Variants in MIS18BP1 observed in about 807,000 individuals in gnomAD.
MIS18BP1 encodes mis18-binding protein 1.
In MIS18BP1, 72 loss-of-function variants were observed where a neutral mutation model predicts 116.1. The ratio of observed to expected loss-of-function variants is 0.62; its 90% confidence interval spans 0.51 to 0.75. The LOEUF is 0.75. MIS18BP1 is among the 30% of genes least tolerant of loss of function. MIS18BP1 has a pLI of 0.00. For synonymous variants in MIS18BP1, 386 were observed against 427.0 expected (o/e 0.90, Z 1.18); for missense variants, 1,363 against 1,303.2 (o/e 1.05, Z -0.71).
chr14:45,235,429 A>T (rs1891397792), intron 6 of MIS18BP1, among the ~76,000 whole-genome samples: 1 of 150,372 alleles, frequency 6.7e-6, no homozygotes, highest in Admixed American at 6.7e-5. Flanking sequence ...CGTCTCTACT[A>T]AAAATACAAA....
intron 8 of MIS18BP1, 123 bp from the exon 9 acceptor site, chr14:45,227,937 G>GATT: frequency 9.0e-6 from 8 of 891,050 alleles, no homozygotes; most frequent in Non-Finnish European, 1.4e-5. Flanking sequence ...AGCACTCTGG[G>GATT]AGGCCGAGGG....
chr14:45,248,707 G>A (rs940979728), intron 1 of MIS18BP1, among the ~76,000 whole-genome samples: 10 of 152,000 alleles, frequency 6.6e-5, no homozygotes, highest in African/African-American at 2.4e-4. Context: ...TATGATAATA[G>A]AGAAAAAAAG....
chr14:45,227,235 G>A (rs186986456), intron 9 of MIS18BP1, among the ~76,000 whole-genome samples: 3 of 152,236 alleles, frequency 2.0e-5, no homozygotes, highest in Admixed American at 6.5e-5. Context: ...TTGGCTGGGC[G>A]CAGTGGCTCA....
rs890287085 is a variant in MIS18BP1, at chr14:45,218,589, A to G, written c.2670-135T>C. 75 of 836,588 alleles carry G rather than the reference A, an allele frequency of 9.0e-5. No homozygotes were observed. In the African/African-American group the frequency reaches 1.2e-3, roughly 14 times the overall value. The allele number at this position is 836,588 out of a possible 1,614,324, so 51.8% of individuals were successfully genotyped here. A position where few individuals can be genotyped will look rare whatever the true frequency, so the allele number is the denominator to read the frequency against. On this transcript the variant is annotated intron_variant, in intron 11 of 16. Coordinates refer to ENST00000310806, the MANE Select transcript of MIS18BP1 (RefSeq NM_018353.5). ...TTTATCAAAATCATTCTGGATAACAATTAAGAAAGATATTATTCCTTCCCC... is the reference window on the plus strand; with the variant it reads ...TTTATCAAAATCATTCTGGATAACAGTTAAGAAAGATATTATTCCTTCCCC...
chr14:45,217,297 A>T (rs1162987326), intron 12 of MIS18BP1, 118 bp from the exon 13 acceptor site: 1 of 1,242,186 alleles, frequency 8.1e-7, no homozygotes, highest in Non-Finnish European at 1.1e-6. Context: ...AAACCAAAAA[A>T]CTCAGCCTTG....
chr14:45,209,032 A>T (rs1890604026), intron 14 of MIS18BP1, among the ~76,000 whole-genome samples: 1 of 152,068 alleles, frequency 6.6e-6, no homozygotes, highest in African/African-American at 2.4e-5. Flanking sequence ...ATATGTTTCA[A>T]ATTGTTCTTG....
chr14:45,242,312 T>C lies in MIS18BP1; in HGVS notation c.865A>G (p.Ser289Gly). ...TTTTTAATAGGAATACAATTAGTAC[T>C]GAGAGTCTCAGCATTAGTATTTTGA... ...QFQNTNAETL[S>G]TNCIPIKNGS... Residue 289 changes from serine (S) to glycine (G), a missense_variant, in exon 4 of 17, where the codon AGT becomes GGT. By Grantham distance (56) the Ser-to-Gly change is moderately conservative (BLOSUM62 0). Coordinates refer to ENST00000310806, the MANE Select transcript of MIS18BP1 (RefSeq NM_018353.5). The C allele has an allele frequency of 4.3e-6, 7 of 1,614,070 alleles. No individual in the cohort carries two copies. Among genetic ancestry groups the C allele is most frequent in the Non-Finnish European group, 5.9e-6 (7 of 1,179,984 alleles).
intron 6 of MIS18BP1, among the ~76,000 whole-genome samples, chr14:45,235,309 C>T (rs1269924819): frequency 6.6e-6 from 1 of 151,796 alleles, no homozygotes; most frequent in African/African-American, 2.4e-5. Flanking sequence ...CACAGGAAAC[C>T]ACGATGTTGT....
chr14:45,209,020 TTATA>T (rs905958806), intron 14 of MIS18BP1, among the ~76,000 whole-genome samples: 6 of 152,150 alleles, frequency 3.9e-5, no homozygotes, highest in Admixed American at 1.3e-4. Flanking sequence ...TTTTATTTAT[TTATA>T]TGTTTCAAAT....
At chr14:45,248,901 C>T (rs901176511) in intron 1 of MIS18BP1, among the ~76,000 whole-genome samples, 2 of 151,520 alleles carry the variant, frequency 1.3e-5, no homozygotes, top group Non-Finnish European at 2.9e-5. Context: ...TAATATTAGC[C>T]GTTCACTTCA....
chr14:45,228,297 T>A (rs3825624), intron 8 of MIS18BP1, among the ~76,000 whole-genome samples: 12,617 of 152,304 alleles, frequency 0.083, 650 homozygotes, highest in South Asian at 0.16. Flanking sequence ...AATCACTTTT[T>A]TTCCTTCAAA....
At chr14:45,209,256 A>T (rs920189340) in intron 14 of MIS18BP1, among the ~76,000 whole-genome samples, 5 of 152,108 alleles carry the variant, frequency 3.3e-5, no homozygotes, top group African/African-American at 4.8e-5. Flanking sequence ...TATATTATTC[A>T]CTGCATCTAC....
intron 12 of MIS18BP1, 95 bp downstream of exon 12, chr14:45,218,187 T>C (rs1009070332): frequency 2.3e-6 from 3 of 1,296,398 alleles, no homozygotes; most frequent in Admixed American, 2.6e-5. Context: ...AAAATACCTA[T>C]TAATATTCAT....
At chr14:45,247,894 T>G (rs1055678100) in intron 1 of MIS18BP1, among the ~76,000 whole-genome samples, 8 of 151,982 alleles carry the variant, frequency 5.3e-5, no homozygotes, top group African/African-American at 1.9e-4. Context: ...CAATCCTGAT[T>G]TTTTATGCTC....
At position 45,208,399 on chromosome 14, in the gene MIS18BP1, C is replaced by T. The variant is rs568445132; in HGVS notation, c.3152+1981G>A. ...CCAGGCTGGAGTGCAATGGCGTGATCTCGGCTCACTGCAACCTCTGCCTCC... is the reference window on the plus strand; with the variant it reads ...CCAGGCTGGAGTGCAATGGCGTGATTTCGGCTCACTGCAACCTCTGCCTCC... On this transcript the variant is annotated intron_variant, in intron 14 of 16. Transcript: ENST00000310806. Among the ~76,000 whole-genome samples, 3 of 137,590 alleles carry T rather than the reference C, an allele frequency of 2.2e-5. No homozygotes were observed. In the East Asian group the frequency reaches 6.8e-4, roughly 31 times the overall value. 90.3% of individuals were successfully genotyped at this position (137,590 alleles called of 152,430 possible). A position where few individuals can be genotyped will look rare whatever the true frequency, so the allele number is the denominator to read the frequency against.
At chr14:45,216,505 CT>C (rs1478544156) in intron 13 of MIS18BP1, among the ~76,000 whole-genome samples, 1 of 152,038 alleles carries the variant, frequency 6.6e-6, no homozygotes, top group Non-Finnish European at 1.5e-5. Context: ...GATCTTGGTA[CT>C]TTTTGTTATT....
chr14:45,206,864 T>A (rs1890533179), intron 14 of MIS18BP1, among the ~76,000 whole-genome samples: 1 of 152,194 alleles, frequency 6.6e-6, no homozygotes, highest in Non-Finnish European at 1.5e-5. Flanking sequence ...GTTCACTTCC[T>A]TCCCTGTCCT....
intron 15 of MIS18BP1, among the ~76,000 whole-genome samples, chr14:45,205,865 T>C (rs1890500870): frequency 6.6e-6 from 1 of 152,208 alleles, no homozygotes; most frequent in Admixed American, 6.5e-5. Flanking sequence ...ATCAAAGTTT[T>C]TAGCCATTTT....
intron 14 of MIS18BP1, 118 bp from the exon 15 acceptor site, chr14:45,206,288 A>T (rs1302474342): frequency 1.4e-6 from 1 of 693,638 alleles, no homozygotes; most frequent in Middle Eastern, 3.5e-4. Context: ...ATTAATTTCA[A>T]ATGTATTTCT....
Sources: gnomAD v4.1 joint callset for allele counts (sites outside exome capture counted in the v4.1 genomes callset) on GRCh38, gnomAD v4.1.1 for gene constraint, MANE v1.5 for transcripts, NCBI Gene and HGNC (gene_info 2026-07-23, HGNC 2026-07-21) for gene names.